ATXN10: variants seen among roughly 807,000 people sequenced by gnomAD.
ATXN10 encodes the protein ataxin 10.
A neutral mutation model predicts 52.9 loss-of-function variants in ATXN10; 28 were observed. The ratio of observed to expected loss-of-function variants is 0.53; its 90% CI spans 0.39 to 0.73. The LOEUF is 0.73. Among genes scored for constraint, ATXN10 ranks in the 30% least tolerant of loss-of-function variants. The pLI is 0.00. For synonymous variants in ATXN10, 226 were observed against 221.5 expected (o/e 1.02, Z -0.18); for missense variants, 565 against 577.0 (o/e 0.98, Z 0.21).
Position 45,732,722 on chromosome 22 carries a change from AC to A in ATXN10, c.894+3134del. On this transcript the variant is annotated intron_variant, in intron 7 of 11. Transcript: ENST00000252934. The surrounding 1 kb of genome is among the most constrained non-coding windows in gnomAD (Gnocchi z 4.5). Reference sequence around the variant, plus strand: ...GTGAGCTGATTGTTAAATTGTTGGTACCTTGAAATCATCCATGGTGGAAGTA... The same window carrying A: ...GTGAGCTGATTGTTAAATTGTTGGTACTTGAAATCATCCATGGTGGAAGTA... 6.6e-6 allele frequency among the ~76,000 whole-genome samples: 1 copy of A among 152,114 alleles called. No individual in the cohort carries two copies. Among genetic ancestry groups the A allele is most frequent in the Non-Finnish European group, 1.5e-5 (1 of 68,028 alleles).
intron 10 of ATXN10, among the ~76,000 whole-genome samples, chr22:45,829,128 A>T (rs1928908731): frequency 6.6e-6 from 1 of 152,236 alleles, no homozygotes; most frequent in African/African-American, 2.4e-5. Flanking sequence ...GAAACACATG[A>T]TCAATTCAGT....
chr22:45,813,264 T>TA (rs2146891430), intron 10 of ATXN10, among the ~76,000 whole-genome samples: 1 of 152,276 alleles, frequency 6.6e-6, no homozygotes, highest in South Asian at 2.1e-4. Flanking sequence ...AGCTGAACTT[T>TA]ATTTGAAGTG....
chr22:45,767,301 A>G (rs1569056435), intron 9 of ATXN10, among the ~76,000 whole-genome samples: 1 of 152,294 alleles, frequency 6.6e-6, no homozygotes, highest in East Asian at 1.9e-4. Context: ...GATCTGAGTG[A>G]TGTATTATTA....
At chr22:45,751,763 A>AAAAAAAAAAAAAT in intron 9 of ATXN10, among the ~76,000 whole-genome samples, 142 of 66,546 alleles carry the variant, frequency 2.1e-3, no homozygotes, top group Non-Finnish European at 3.1e-3. Context: ...AATAAAAAAA[A>AAAAAAAAAAAAAT]AATAATAATA....
chr22:45,687,427 A>G (rs560397056), intron 1 of ATXN10, among the ~76,000 whole-genome samples: 2 of 152,320 alleles, frequency 1.3e-5, no homozygotes, highest in South Asian at 4.1e-4. Context: ...GGTGGTTCCC[A>G]TATAAGAGGC....
rs1230411233 is a variant in ATXN10, at chr22:45,833,212, TG to T, written c.1238-9778del. ...TTGGGAAGCGCACGCATCTGGTATC[TG>T]TCCCTGTTCACCCTGCAAGCCCTCC... On this transcript the variant is annotated intron_variant, in intron 10 of 11. Coordinates refer to ENST00000252934, the MANE Select transcript of ATXN10 (RefSeq NM_013236.4). This position sits in a 1 kb window ranked among gnomAD's most constrained non-coding sequence, Gnocchi z 4.3. Among the ~76,000 whole-genome samples, 1 of 152,232 alleles carries T rather than the reference TG, an allele frequency of 6.6e-6. No individual in the cohort carries two copies. The highest frequency in any genetic ancestry group is 2.4e-5 in the African/African-American group (1 of 41,456).
chr22:45,694,957 AAAAAAAAAAC>A (rs1339628454), intron 3 of ATXN10, among the ~76,000 whole-genome samples: 3 of 147,788 alleles, frequency 2.0e-5, no homozygotes, highest in African/African-American at 7.4e-5. Flanking sequence ...AAAAAAAAAA[AAAAAAAAAAC>A]AAAACCCCAG....
In ATXN10 at chr22:45,689,875, G is replaced by C. The variant is rs771668867; in HGVS notation, c.280G>C (p.Glu94Gln). ...CAGGTGTCTTCGCAATGCTTGCATA[G>C]AGTGTTCTGTGAACCAGAATTCAAT... The part of the protein sequence containing the change: ...CFRCLRNACI[E>Q]CSVNQNSIRN... The change falls in exon 2 of 12, where the codon GAG (glutamate) becomes CAG (glutamine). Residue 94 changes from glutamate (E) to glutamine (Q), a missense_variant. By Grantham distance (29) the Glu-to-Gln change is conservative. Transcript: ENST00000252934. 1 of 1,614,182 alleles carries C rather than the reference G, an allele frequency of 6.2e-7. No homozygotes were observed. The highest frequency in any genetic ancestry group is 1.3e-5 in the African/African-American group (1 of 75,056).
Position 45,757,475 on chromosome 22 carries a change from C to G in ATXN10, c.1173+16937C>G, listed in dbSNP as rs2146824895. Among the ~76,000 whole-genome samples the G allele has an allele frequency of 6.6e-6, 1 of 152,244 alleles. No individual in the cohort carries two copies. The highest frequency in any genetic ancestry group is 3.4e-3 in the Middle Eastern group (1 of 294). On this transcript the variant is annotated intron_variant, in intron 9 of 11. Coordinates refer to ENST00000252934, the MANE Select transcript of ATXN10 (RefSeq NM_013236.4). The surrounding 1 kb of genome is among the most constrained non-coding windows in gnomAD (Gnocchi z 4.6). ...GATTTCGCTGCTCCCCGTTCAAGGCCTCTGGAGAATGTTCCAAAGGGAGGT... is the reference window on the plus strand; with the variant it reads ...GATTTCGCTGCTCCCCGTTCAAGGCGTCTGGAGAATGTTCCAAAGGGAGGT...
intron 3 of ATXN10, among the ~76,000 whole-genome samples, chr22:45,698,481 A>AGTT (rs1302378772): frequency 6.6e-6 from 1 of 152,192 alleles, no homozygotes; most frequent in Non-Finnish European, 1.5e-5. Flanking sequence ...TTTCTTGTAG[A>AGTT]GTTGTAAAGG....
At chr22:45,808,809 T>C (rs1928186754) in intron 10 of ATXN10, among the ~76,000 whole-genome samples, 1 of 152,108 alleles carries the variant, frequency 6.6e-6, no homozygotes, top group Admixed American at 6.5e-5. Context: ...AGTGGAGAAA[T>C]GGTTCAAAGT....
rs1355020688 is a variant in ATXN10, at chr22:45,754,747, T to C, written c.1173+14209T>C. ...GCTCATGCCTGTAGTCCCAGCTACTTGGGAGGCTGAGGCAGGAGGATCGCT... is the reference window on the plus strand; with the variant it reads ...GCTCATGCCTGTAGTCCCAGCTACTCGGGAGGCTGAGGCAGGAGGATCGCT... On this transcript the variant is annotated intron_variant, in intron 9 of 11. Coordinates refer to ENST00000252934, the MANE Select transcript of ATXN10 (RefSeq NM_013236.4). The surrounding 1 kb of genome is among the most constrained non-coding windows in gnomAD (Gnocchi z 5.4). Among the ~76,000 whole-genome samples, 1 of 152,120 alleles carries C rather than the reference T, an allele frequency of 6.6e-6. No individual in the cohort carries two copies. Among genetic ancestry groups the C allele is most frequent in the African/African-American group, 2.4e-5 (1 of 41,412 alleles).
intron 5 of ATXN10, among the ~76,000 whole-genome samples, chr22:45,714,292 T>C (rs1048847997): frequency 4.6e-5 from 7 of 152,166 alleles, no homozygotes; most frequent in African/African-American, 1.4e-4. Flanking sequence ...TATCAGTGTA[T>C]AGGAGTATTT....
chr22:45,725,269 A>G (rs984616680), intron 6 of ATXN10, among the ~76,000 whole-genome samples: 2 of 152,048 alleles, frequency 1.3e-5, no homozygotes, highest in African/African-American at 2.4e-5. Context: ...AATAGTATTG[A>G]TTCTTCTAAT....
At chr22:45,746,710 A>G (rs1569047197) in intron 9 of ATXN10, among the ~76,000 whole-genome samples, 1 of 152,138 alleles carries the variant, frequency 6.6e-6, no homozygotes, top group Non-Finnish European at 1.5e-5. Context: ...TCAGAACTCA[A>G]GGTCACAGGT....
At chr22:45,730,823 A>G (rs138163) in intron 7 of ATXN10, among the ~76,000 whole-genome samples, 14,700 of 152,164 alleles carry the variant, frequency 0.097, 2,216 homozygotes, top group African/African-American at 0.33. Context: ...CACAGCTGTT[A>G]TCCTAGGACA....
intron 6 of ATXN10, among the ~76,000 whole-genome samples, chr22:45,720,383 T>A (rs1035578169): frequency 5.3e-5 from 8 of 151,888 alleles, no homozygotes; most frequent in Non-Finnish European, 8.8e-5. Flanking sequence ...TAGAGTGCAG[T>A]GGCTGCTCTC....
Position 45,786,406 on chromosome 22 carries a change from T to C in ATXN10, c.1174-20553T>C, listed in dbSNP as rs1927325225. Among the ~76,000 whole-genome samples, 1 of 152,218 alleles carries C rather than the reference T, an allele frequency of 6.6e-6. No homozygotes were observed. The highest frequency in any genetic ancestry group is 2.4e-5 in the African/African-American group (1 of 41,462). On this transcript the variant is annotated intron_variant, in intron 9 of 11. Coordinates refer to ENST00000252934, the MANE Select transcript of ATXN10 (RefSeq NM_013236.4). This position sits in a 1 kb window ranked among gnomAD's most constrained non-coding sequence, Gnocchi z 4.1. ...CAGGGTTAGTTTATGGGATGCAGTC[T>C]CTGACATTCTCGGCCTCACTGTGTT...
rs1569030940 is a variant in ATXN10 at position 45,708,474 on chromosome 22, C to T, written c.647+5627C>T. 6.6e-6 allele frequency among the ~76,000 whole-genome samples: 1 copy of T among 152,182 alleles called. No homozygotes were observed. The highest frequency in any genetic ancestry group is 2.4e-5 in the African/African-American group (1 of 41,452). Reference sequence around the variant, plus strand: ...GTAAACCAGTCTGACAAAGGTCACACAACTAGCATATAGCAGAGGCAGCAT... The same window carrying T: ...GTAAACCAGTCTGACAAAGGTCACATAACTAGCATATAGCAGAGGCAGCAT... On this transcript the variant is annotated intron_variant, in intron 5 of 11. Coordinates refer to ENST00000252934, the MANE Select transcript of ATXN10 (RefSeq NM_013236.4). This position sits in a 1 kb window ranked among gnomAD's most constrained non-coding sequence, Gnocchi z 5.3.
Sources: allele counts gnomAD v4.1 joint callset (sites outside exome capture counted in the v4.1 genomes callset), GRCh38; gene constraint gnomAD v4.1.1; non-coding constraint Gnocchi (gnomAD v3.1); transcripts MANE v1.5; gene names NCBI Gene and HGNC (gene_info 2026-07-23, HGNC 2026-07-21).